Variants in TMEM181 observed in about 807,000 individuals in gnomAD.
TMEM181 encodes G protein-coupled receptor 178.
A neutral mutation model predicts 71.9 loss-of-function variants in TMEM181; 39 were observed. The ratio of observed to expected loss-of-function variants is 0.54; its 90% CI spans 0.42 to 0.71. TMEM181 has a LOEUF of 0.71. Ranked by LOEUF, TMEM181 falls within the 30% of genes least tolerant of loss-of-function variation. The pLI, the probability that TMEM181 is intolerant of heterozygous loss-of-function variation, is 0.00. For synonymous variants in TMEM181, 245 were observed against 228.8 expected (o/e 1.07, Z -0.64); for missense variants, 595 against 583.0 (o/e 1.02, Z -0.21).
chr6:158,560,283 C>A, intron 1 of TMEM181, 51 bp downstream of exon 1: 3 of 985,232 alleles, frequency 3.0e-6, no homozygotes, highest in South Asian at 9.4e-5. Context: ...GACACTCCGG[C>A]CGAAAGTTGG....
chr6:158,558,919 C>G (rs7743100), upstream of TMEM181, among the ~76,000 whole-genome samples: 91,836 of 152,034 alleles, frequency 0.6, 28,578 homozygotes, highest in East Asian at 0.76. Flanking sequence ...TGCAGGTACC[C>G]AGTTTCTGTT....
At chr6:158,571,646 A>C (rs1782854521) in intron 1 of TMEM181, among the ~76,000 whole-genome samples, 3 of 152,236 alleles carry the variant, frequency 2.0e-5, no homozygotes, top group African/African-American at 7.2e-5. Context: ...AAACTAAGGA[A>C]TAGACTTGAC....
upstream of TMEM181, among the ~76,000 whole-genome samples, chr6:158,555,840 C>T (rs904258018): frequency 2.7e-5 from 4 of 150,920 alleles, no homozygotes; most frequent in East Asian, 2.0e-4. Flanking sequence ...AACTAGCCAT[C>T]GTGCGCCCAC....
chr6:158,611,232 G>A (rs1024219938), intron 10 of TMEM181: 12 of 499,276 alleles, frequency 2.4e-5, no homozygotes, highest in African/African-American at 2.3e-4. Context: ...TTCTCAGCAG[G>A]GGTGACTGTG....
At position 158,623,542 on chromosome 6, in the gene TMEM181, A is replaced by G; in HGVS notation, c.897-8A>G. ...TAATCTATAATTATTTATAATGTCAATTTTTAGAGTTAACGAATTACATGA... is the reference window on the plus strand; with the variant it reads ...TAATCTATAATTATTTATAATGTCAGTTTTTAGAGTTAACGAATTACATGA... On this transcript the variant is annotated splice_polypyrimidine_tract_variant and splice_region_variant and intron_variant, in intron 10 of 16. Transcript: ENST00000684151. 6.5e-7 allele frequency: 1 copy of G among 1,527,148 alleles called. No individual in the cohort carries two copies. The highest frequency in any genetic ancestry group is 8.9e-7 in the Non-Finnish European group (1 of 1,125,456). The allele number at this position is 1,527,148 out of a possible 1,614,324, so 94.6% of individuals were successfully genotyped here. A position where few individuals can be genotyped will look rare whatever the true frequency, so the allele number is the denominator to read the frequency against.
chr6:158,566,389 T>C (rs575765913), intron 1 of TMEM181, among the ~76,000 whole-genome samples: 4 of 151,634 alleles, frequency 2.6e-5, no homozygotes, highest in Middle Eastern at 3.2e-3. Flanking sequence ...GAGCAGTGTG[T>C]CCCAGGATGA....
chr6:158,551,325 T>C (rs1285676212), intron 1 of TMEM181, among the ~76,000 whole-genome samples: 1 of 152,104 alleles, frequency 6.6e-6, no homozygotes, highest in Non-Finnish European at 1.5e-5. Context: ...TTCATAAACC[T>C]GTCAGTTTAT....
At chr6:158,559,339 C>G (rs1481843161), upstream of TMEM181, among the ~76,000 whole-genome samples, 1 of 152,176 alleles carries the variant, frequency 6.6e-6, no homozygotes, top group Non-Finnish European at 1.5e-5. Context: ...CAATAGTAAG[C>G]CTGTTTACAG....
intron 13 of TMEM181, among the ~76,000 whole-genome samples, chr6:158,626,278 G>A (rs189816562): frequency 3.3e-5 from 5 of 152,294 alleles, no homozygotes; most frequent in East Asian, 1.9e-4. Flanking sequence ...CCTGGGGACC[G>A]GTGCTGGCCA....
Position 158,634,523 on chromosome 6 carries a change from A to G in TMEM181, c.*2635A>G, listed in dbSNP as rs1397137543. On this transcript the variant is annotated 3_prime_UTR_variant, in exon 17 of 17. Coordinates refer to ENST00000684151, the MANE Select transcript of TMEM181 (RefSeq NM_001376852.1). ...GGTCCAGTCTAGGAGAACCTGGAAG[A>G]TGACCAGAGGTATTTCAGTTTCCCT... 1.3e-5 allele frequency: 2 copies of G among 152,204 alleles called. No homozygotes were observed. Among genetic ancestry groups the G allele is most frequent in the Admixed American group, 1.3e-4 (2 of 15,286 alleles). 9.4% of individuals were successfully genotyped at this position (152,204 alleles called of 1,614,324 possible).
At chr6:158,576,913 T>A (rs1010981181) in intron 2 of TMEM181, among the ~76,000 whole-genome samples, 1 of 151,794 alleles carries the variant, frequency 6.6e-6, no homozygotes, top group Non-Finnish European at 1.5e-5. Flanking sequence ...ATACAAAAAA[T>A]TAGCCAGGCA....
chr6:158,544,218 T>TGTGTGTGTGTGTGTGTGG (rs1554300407), intron 1 of TMEM181, among the ~76,000 whole-genome samples: 1 of 144,166 alleles, frequency 6.9e-6, no homozygotes, highest in Non-Finnish European at 1.5e-5. Context: ...TGTGTGTGTG[T>TGTGTGTGTGTGTGTGTGG]TGGGGTGAGG....
chr6:158,612,764 C>T lies in TMEM181; in HGVS notation c.896+4014C>T, dbSNP rs188642419. The stretch of plus-strand genomic sequence containing the variant: ...TTATTTTTTATTAGTAACTGTTATT[C>T]CTGCTGTAAGGATAGTAATTAAGCA... On this transcript the variant is annotated intron_variant, in intron 10 of 16. Coordinates refer to ENST00000684151, the MANE Select transcript of TMEM181 (RefSeq NM_001376852.1). 6.6e-5 allele frequency among the ~76,000 whole-genome samples: 10 copies of T among 152,322 alleles called. No individual in the cohort carries two copies. In the East Asian group the frequency reaches 1.7e-3, roughly 26 times the overall value.
chr6:158,630,589 A>G (rs1414375584), intron 15 of TMEM181, among the ~76,000 whole-genome samples: 3 of 152,144 alleles, frequency 2.0e-5, no homozygotes, highest in East Asian at 1.9e-4. Flanking sequence ...CTAAGCTGCA[A>G]TGTTCGGTGC....
At chr6:158,559,639 TGTC>T (rs926683180), upstream of TMEM181, among the ~76,000 whole-genome samples, 24 of 152,338 alleles carry the variant, frequency 1.6e-4, no homozygotes, top group African/African-American at 5.8e-4. Flanking sequence ...GGAAGGTTCC[TGTC>T]ATCATTCGGG....
In TMEM181 at chr6:158,581,015, G is replaced by A. The variant is rs1783439480; in HGVS notation, c.168+20G>A. 6.2e-7 allele frequency: 1 copy of A among 1,602,530 alleles called. No individual in the cohort carries two copies. Among genetic ancestry groups the A allele is most frequent in the East Asian group, 2.2e-5 (1 of 44,682 alleles). On this transcript the variant is annotated intron_variant, in intron 3 of 16. Transcript: ENST00000684151. ...AAAAAGGTAAGACTGGGTCTGAGTG[G>A]CAGCTGGGTGGTGGGGTGCATTATA...
At chr6:158,614,186 A>C (rs1562309067) in intron 10 of TMEM181, among the ~76,000 whole-genome samples, 1 of 152,188 alleles carries the variant, frequency 6.6e-6, no homozygotes, top group Non-Finnish European at 1.5e-5. Context: ...CTTCTGCAGC[A>C]CCCAAAGGCC....
chr6:158,573,027 A>AGT (rs1424578519), intron 1 of TMEM181, among the ~76,000 whole-genome samples: 1 of 151,894 alleles, frequency 6.6e-6, no homozygotes, highest in African/African-American at 2.4e-5. Flanking sequence ...TGGGTGTGCC[A>AGT]GTGTGTGTGC....
chr6:158,560,614 C>T (rs1038746278), intron 1 of TMEM181, among the ~76,000 whole-genome samples: 13 of 152,254 alleles, frequency 8.5e-5, no homozygotes, highest in African/African-American at 2.9e-4. Context: ...GCAGCCTCTC[C>T]TGCCGGAAAG....
Sources: gnomAD v4.1 joint callset for allele counts (sites outside exome capture counted in the v4.1 genomes callset) on GRCh38, gnomAD v4.1.1 for gene constraint, MANE v1.5 for transcripts, NCBI Gene and HGNC (gene_info 2026-07-23, HGNC 2026-07-21) for gene names.